Variants in WWOX observed in about 807,000 individuals in gnomAD.
WWOX encodes WW domain containing oxidoreductase.
Under a neutral mutation model 46.2 loss-of-function variants are expected in WWOX, and 69 were observed. That is an observed-to-expected ratio of 1.49 (90% confidence interval 1.23 to 1.82). The LOEUF (loss-of-function observed/expected upper bound fraction) is 1.82, where lower values mean the gene tolerates loss of function less well. Among genes scored for constraint, WWOX ranks in the 40% most tolerant of loss-of-function variants. The pLI, the probability that WWOX is intolerant of heterozygous loss-of-function variation, is 0.00. For synonymous variants in WWOX, 359 were observed against 202.6 expected (o/e 1.77, Z -6.56); for missense variants, 919 against 542.6 (o/e 1.69, Z -6.89).
intron 8 of WWOX, among the ~76,000 whole-genome samples, chr16:78,742,068 G>A (rs925440356): frequency 6.6e-6 from 1 of 152,054 alleles, no homozygotes; most frequent in African/African-American, 2.4e-5. Flanking sequence ...CTCAGCACTA[G>A]GATATGGATA....
At chr16:78,945,864 A>G (rs2045939208) in intron 8 of WWOX, among the ~76,000 whole-genome samples, 1 of 152,096 alleles carries the variant, frequency 6.6e-6, no homozygotes, top group Non-Finnish European at 1.5e-5. Context: ...TCACTGGATA[A>G]GGAGCCAGTC....
At position 78,607,406 on chromosome 16, in the gene WWOX, G is replaced by C. The variant is rs917169011; in HGVS notation, c.1056+174654G>C. Among the ~76,000 whole-genome samples, 6 of 152,116 alleles carry C rather than the reference G, an allele frequency of 3.9e-5. No homozygotes were observed. The South Asian group carries it at 1.0e-3, about 26-fold the overall frequency. On this transcript the variant is annotated intron_variant, in intron 8 of 8. Transcript: ENST00000566780. ...GATGGAAGAGTTTGGAAAGTTGTCA[G>C]CTTATCTTTGCATATATTTGTCCAA...
intron 8 of WWOX, among the ~76,000 whole-genome samples, chr16:78,867,423 G>C (rs890854444): frequency 6.6e-6 from 1 of 151,906 alleles, no homozygotes; most frequent in African/African-American, 2.4e-5. Flanking sequence ...TCATAATCTA[G>C]AGCTATTATA....
intron 8 of WWOX, among the ~76,000 whole-genome samples, chr16:78,660,773 A>T (rs765640259): frequency 8.5e-5 from 13 of 152,230 alleles, no homozygotes; most frequent in Non-Finnish European, 1.8e-4. Context: ...GAAACGTTCT[A>T]TGCATTTAGC....
chr16:78,124,603 A>T (rs749387259), intron 4 of WWOX, among the ~76,000 whole-genome samples: 3 of 152,184 alleles, frequency 2.0e-5, no homozygotes, highest in Non-Finnish European at 4.4e-5. Context: ...TAAATTTGTG[A>T]TCTCCCTTTG....
At chr16:78,679,316 C>T (rs2047675283) in intron 8 of WWOX, among the ~76,000 whole-genome samples, 3 of 152,084 alleles carry the variant, frequency 2.0e-5, no homozygotes, top group African/African-American at 7.2e-5. Flanking sequence ...TTTGGGAGGC[C>T]AAGGCGGGTG....
intron 5 of WWOX, among the ~76,000 whole-genome samples, chr16:78,246,721 A>G (rs752971629): frequency 3.3e-5 from 5 of 152,322 alleles, no homozygotes; most frequent in South Asian, 2.1e-4. Context: ...TTCTGAAGCC[A>G]GTTCCCCCCG....
chr16:78,687,756 C>T (rs1365102159), intron 8 of WWOX, among the ~76,000 whole-genome samples: 2 of 152,108 alleles, frequency 1.3e-5, no homozygotes, highest in Non-Finnish European at 2.9e-5. Flanking sequence ...CACTGTATTT[C>T]ATATTCTCCA....
chr16:78,450,797 T>C (rs570091612), intron 8 of WWOX, among the ~76,000 whole-genome samples: 1 of 152,314 alleles, frequency 6.6e-6, no homozygotes, highest in African/African-American at 2.4e-5. Flanking sequence ...GAATTCTGAA[T>C]ATTAACCCAG....
chr16:78,891,934 G>C (rs1339828969), intron 8 of WWOX: 3 of 152,150 alleles, frequency 2.0e-5, no homozygotes, highest in Admixed American at 6.5e-5. Flanking sequence ...TCTTTGATAT[G>C]GTCAGTGTAG....
chr16:79,014,145 G>T (rs115584505), intron 8 of WWOX, among the ~76,000 whole-genome samples: 1,671 of 152,314 alleles, frequency 0.011, 32 homozygotes, highest in African/African-American at 0.038. Context: ...CTTTTTCTGG[G>T]AAGGGATGGT....
At chr16:78,712,031 G>T (rs2048455089) in intron 8 of WWOX, among the ~76,000 whole-genome samples, 1 of 152,054 alleles carries the variant, frequency 6.6e-6, no homozygotes, top group Admixed American at 6.5e-5. Context: ...CCAATCATAG[G>T]GCGCCTGAGC....
chr16:78,849,032 C>T (rs188715192), intron 8 of WWOX, among the ~76,000 whole-genome samples: 4 of 152,272 alleles, frequency 2.6e-5, no homozygotes, highest in Admixed American at 2.6e-4. Flanking sequence ...GATGGGTGGC[C>T]ACCAGACTGC....
At position 78,575,019 on chromosome 16, in the gene WWOX, AT is replaced by A. The variant is rs1216398800; in HGVS notation, c.1056+142268del. 5.2e-3 allele frequency among the ~76,000 whole-genome samples: 66 copies of A among 12,786 alleles called. 10 individuals carry two copies. The highest frequency in any genetic ancestry group is 0.026 in the South Asian group (13 of 494). The allele number at this position is 12,786 out of a possible 152,430, so 8.4% of individuals were successfully genotyped here. The stretch of plus-strand genomic sequence containing the variant: ...TTCAATTATATATATATATATATAT[AT>A]AAATATATATATATATATATATATA... On this transcript the variant is annotated intron_variant, in intron 8 of 8. Coordinates refer to ENST00000566780, the MANE Select transcript of WWOX (RefSeq NM_016373.4).
chr16:78,581,046 G>A (rs528057505), intron 8 of WWOX, among the ~76,000 whole-genome samples: 120 of 152,260 alleles, frequency 7.9e-4, no homozygotes, highest in African/African-American at 2.7e-3. Context: ...TCAGCCATCA[G>A]CCTTATTAGA....
intron 8 of WWOX, among the ~76,000 whole-genome samples, chr16:78,783,111 A>C (rs1023343997): frequency 8.5e-5 from 13 of 152,394 alleles, no homozygotes; most frequent in Non-Finnish European, 4.4e-5. Context: ...GCTATGATCA[A>C]GTTATCAGGA....
chr16:78,931,533 G>A (rs1437445223), intron 8 of WWOX, among the ~76,000 whole-genome samples: 1 of 152,216 alleles, frequency 6.6e-6, no homozygotes, highest in Non-Finnish European at 1.5e-5. Context: ...GCTTGAAGGA[G>A]AAAGGTGAGG....
In WWOX at chr16:78,572,992, A is replaced by G. The variant is rs182444372; in HGVS notation, c.1056+140240A>G. ...AAAGAATCTGCTTCCTGTAGTAAAA[A>G]TTAAAAAAATTATAGCCGGGCACGG... is the stretch of plus-strand genomic sequence containing the variant. On this transcript the variant is annotated intron_variant, in intron 8 of 8. Transcript: ENST00000566780. Among the ~76,000 whole-genome samples the G allele has an allele frequency of 8.5e-5, 13 of 152,306 alleles. No individual in the cohort carries two copies. In the East Asian group the frequency reaches 2.3e-3, roughly 27 times the overall value.
At chr16:78,104,231 AACACACACACACACACAC>A (rs376622174) in intron 1 of WWOX, among the ~76,000 whole-genome samples, 4 of 130,222 alleles carry the variant, frequency 3.1e-5, no homozygotes, top group South Asian at 5.7e-4. Flanking sequence ...CTGTGCTCAA[AACACACACACACACACAC>A]ACACACACAC....
Sources: gnomAD v4.1 joint callset for allele counts (sites outside exome capture counted in the v4.1 genomes callset) on GRCh38, gnomAD v4.1.1 for gene constraint, MANE v1.5 for transcripts, NCBI Gene and HGNC (gene_info 2026-07-23, HGNC 2026-07-21) for gene names.